Variants in BIRC6 observed in about 807,000 individuals in gnomAD.
The protein encoded by BIRC6 is dual E2 ubiquitin-conjugating enzyme/E3 ubiquitin-protein ligase BIRC6.
Under a neutral mutation model 503.3 loss-of-function variants are expected in BIRC6, and 98 were observed. The observed-to-expected ratio is 0.19, with a 90% CI of 0.17 to 0.23. BIRC6 has a LOEUF of 0.23. BIRC6 is among the 10% of genes least tolerant of loss of function. The pLI, the probability that BIRC6 is intolerant of heterozygous loss-of-function variation, is 1.00. For synonymous variants in BIRC6, 2,240 were observed against 2,078.7 expected, an observed-to-expected ratio of 1.08 and a Z score of -2.11; for missense variants, 5,360 against 5,806.0, an observed-to-expected ratio of 0.92 and a Z score of 2.50.
At chr2:32,451,623 T>C (rs1404989265) in intron 22 of BIRC6, among the ~76,000 whole-genome samples, 1 of 152,230 alleles carries the variant, frequency 6.6e-6, no homozygotes, top group Non-Finnish European at 1.5e-5. Context: ...AGTACTTCTG[T>C]GGCATGCCAA....
At chr2:32,584,423 C>G (rs1270733274) in intron 66 of BIRC6, among the ~76,000 whole-genome samples, 1 of 151,998 alleles carries the variant, frequency 6.6e-6, no homozygotes, top group Non-Finnish European at 1.5e-5. Context: ...ATCCCAGCTG[C>G]TTGGGAGGCT....
chr2:32,484,254 C>A (rs2050733737), intron 39 of BIRC6, among the ~76,000 whole-genome samples: 1 of 127,926 alleles, frequency 7.8e-6, no homozygotes, highest in South Asian at 2.9e-4. Context: ...CACAAAGTTT[C>A]TTTTTGAAAA....
chr2:32,377,652 T>C lies in BIRC6; in HGVS notation c.390T>C (p.Asp130=). ...CTGTGGATAAAGTTATATTTGTGGATGATTATGCAGTAGGGTGTAGGAAGG... is the reference window on the plus strand; with the variant it reads ...CTGTGGATAAAGTTATATTTGTGGACGATTATGCAGTAGGGTGTAGGAAGG... The part of the protein sequence containing the change: ...ISAVDKVIFV[D]DYAVGCRKDL... Residue 130 remains aspartate (D), a synonymous_variant, in exon 2 of 74, where the codon GAT becomes GAC. Transcript: ENST00000421745. 1 of 1,613,540 alleles carries C rather than the reference T, an allele frequency of 6.2e-7. No individual in the cohort carries two copies. Among genetic ancestry groups the C allele is most frequent in the Non-Finnish European group, 8.5e-7 (1 of 1,179,650 alleles).
intron 65 of BIRC6, among the ~76,000 whole-genome samples, chr2:32,559,884 C>T (rs1166919128): frequency 2.0e-5 from 3 of 151,802 alleles, no homozygotes; most frequent in Non-Finnish European, 4.4e-5. Context: ...GGTGTAGTGG[C>T]GGGTGCCTGT....
chr2:32,520,377 G>A (rs902898042), intron 57 of BIRC6, among the ~76,000 whole-genome samples: 1 of 152,034 alleles, frequency 6.6e-6, no homozygotes, highest in African/African-American at 2.4e-5. Flanking sequence ...TTAGCATACT[G>A]TTATAAATAT....
chr2:32,563,009 T>G (rs2059302380), intron 65 of BIRC6, among the ~76,000 whole-genome samples: 1 of 152,230 alleles, frequency 6.6e-6, no homozygotes, highest in Admixed American at 6.5e-5. Flanking sequence ...GGTGGTCAAG[T>G]CATATAGTGT....
At position 32,463,260 on chromosome 2, in the gene BIRC6, C is replaced by T. The variant is rs1267964004; in HGVS notation, c.4820C>T (p.Thr1607Ile). ...LSSGTVGEAS[T>I]ALSSAAQVAL... is the part of the protein sequence containing the mutation. ...TCTGGGACAGTTGGGGAAGCCTCGA[C>T]AGCCCTGAGTTCAGCAGCCCAGGTA... Residue 1607 changes from threonine (T) to isoleucine (I), a missense_variant, in exon 24 of 74, where the codon ACA (threonine) becomes ATA (isoleucine). Physicochemically the swap from Thr to Ile is moderately conservative, Grantham distance 89. Around this residue, in one of 16 missense-constraint regions of BIRC6, gnomAD observed 2,299 missense variants for 2,267.2 expected, o/e 1.01. Transcript: ENST00000421745. 1.2e-6 allele frequency: 2 copies of T among 1,613,770 alleles called. No homozygotes were observed. Among genetic ancestry groups the T allele is most frequent in the African/African-American group, 1.3e-5 (1 of 75,052 alleles).
chr2:32,447,525 G>C lies in BIRC6; in HGVS notation c.4485-1270G>C, dbSNP rs1360081708. The stretch of plus-strand genomic sequence containing the variant: ...CGGACGGGGCGGCTGGCCGGGCAGA[G>C]GGGTCCTCACTTCCCAGTAGGGGCG... On this transcript the variant is annotated intron_variant, in intron 21 of 73. Coordinates refer to ENST00000421745, the MANE Select transcript of BIRC6 (RefSeq NM_016252.4). Among the ~76,000 whole-genome samples, 7 of 129,390 alleles carry C rather than the reference G, an allele frequency of 5.4e-5. No individual in the cohort carries two copies. The South Asian group carries it at 1.5e-3, about 29-fold the overall frequency. The allele number at this position is 129,390 out of a possible 152,430, so 84.9% of individuals were successfully genotyped here. A position where few individuals can be genotyped will look rare whatever the true frequency, so the allele number is the denominator to read the frequency against.
At chr2:32,384,806 C>T (rs763597324) in intron 3 of BIRC6, among the ~76,000 whole-genome samples, 13 of 152,092 alleles carry the variant, frequency 8.5e-5, no homozygotes, top group Non-Finnish European at 1.6e-4. Flanking sequence ...CTGGAGTGCC[C>T]GTGGAGAGAG....
chr2:32,376,588 T>G (rs999195495), intron 1 of BIRC6, among the ~76,000 whole-genome samples: 3 of 152,210 alleles, frequency 2.0e-5, no homozygotes, highest in African/African-American at 7.2e-5. Flanking sequence ...TTTTTAGATA[T>G]TTCTAGGCTA....
chr2:32,437,747 G>GGA (rs761960070), intron 15 of BIRC6, among the ~76,000 whole-genome samples: 3 of 152,000 alleles, frequency 2.0e-5, no homozygotes, highest in Non-Finnish European at 4.4e-5. Context: ...AGAGCATTTT[G>GGA]GATTTTCAGA....
At position 32,558,299 on chromosome 2, in the gene BIRC6, A is replaced by G. The variant is rs528461255; in HGVS notation, c.13144+8818A>G. 2.7e-5 allele frequency among the ~76,000 whole-genome samples: 4 copies of G among 149,422 alleles called. No homozygotes were observed. The East Asian group carries it at 8.0e-4, about 30-fold the overall frequency. On this transcript the variant is annotated intron_variant, in intron 65 of 73. Transcript: ENST00000421745. ...GTATCTAACTAGGCTGATGTATTTA[A>G]TGTGAACTGCAATTTATATACAAAA... is the stretch of plus-strand genomic sequence containing the variant.
chr2:32,468,350 G>C (rs534220102), intron 28 of BIRC6, 87 bp from the exon 29 acceptor site: 1 of 1,194,110 alleles, frequency 8.4e-7, no homozygotes, highest in Non-Finnish European at 1.2e-6. Context: ...ATGTTAACAG[G>C]TTTAAGAGAT....
chr2:32,536,306 C>T (rs1490772384), intron 61 of BIRC6, among the ~76,000 whole-genome samples: 10 of 152,024 alleles, frequency 6.6e-5, no homozygotes, highest in Admixed American at 1.3e-4. Flanking sequence ...AGCTCTTTAG[C>T]TTAATTAGAT....
intron 53 of BIRC6, among the ~76,000 whole-genome samples, chr2:32,511,134 TATC>T (rs2054348102): frequency 6.6e-6 from 1 of 151,554 alleles, no homozygotes; most frequent in Admixed American, 6.6e-5. Flanking sequence ...AATGAAACAA[TATC>T]ATAACATGTA....
intron 54 of BIRC6, 134 bp downstream of exon 54, chr2:32,513,288 A>G: frequency 1.5e-6 from 1 of 658,304 alleles, no homozygotes; most frequent in Non-Finnish European, 2.6e-6. Context: ...AATCAAGTAT[A>G]CTTTTGAAAT....
intron 9 of BIRC6, among the ~76,000 whole-genome samples, chr2:32,413,585 C>G (rs10196815): frequency 6.6e-6 from 1 of 151,758 alleles, no homozygotes; most frequent in Non-Finnish European, 1.5e-5. Flanking sequence ...TCCCAAAGTG[C>G]TAGGATGACA....
chr2:32,568,768 C>G (rs2059712932), intron 65 of BIRC6, among the ~76,000 whole-genome samples: 1 of 151,530 alleles, frequency 6.6e-6, no homozygotes, highest in Non-Finnish European at 1.5e-5. Flanking sequence ...TGCTTGAACC[C>G]TGGAGACAGA....
At chr2:32,370,442 G>C (rs548138484) in intron 1 of BIRC6, among the ~76,000 whole-genome samples, 3 of 152,024 alleles carry the variant, frequency 2.0e-5, no homozygotes, top group Non-Finnish European at 1.5e-5. Context: ...TGGTTCTCTT[G>C]CCTGAAACAA....
Sources: gnomAD v4.1 joint callset for allele counts (sites outside exome capture counted in the v4.1 genomes callset) on GRCh38, gnomAD v4.1.1 for gene constraint, gnomAD v4.1.1 regional missense constraint, MANE v1.5 for transcripts, NCBI Gene and HGNC (gene_info 2026-07-23, HGNC 2026-07-21) for gene names.